Variants in FCSK observed in about 807,000 individuals in gnomAD.
The protein encoded by FCSK is L-fucose kinase.
FCSK carries 123 observed loss-of-function variants against 122.5 expected under a neutral mutation model. The ratio of observed to expected loss-of-function variants is 1.00; its 90% CI spans 0.87 to 1.17. FCSK has a LOEUF of 1.17. FCSK is among the 50% of genes most tolerant of loss of function. The probability of loss-of-function intolerance (pLI) is 0.00; values close to 1 mark genes in which losing one functional copy is unlikely to be tolerated. For synonymous variants in FCSK, 620 were observed against 625.5 expected, an observed-to-expected ratio of 0.99 and a Z score of 0.13; for missense variants, 1,366 against 1,450.4, an observed-to-expected ratio of 0.94 and a Z score of 0.95.
chr16:70,469,305 G>C lies in FCSK; in HGVS notation c.937G>C (p.Asp313His). 6.2e-7 allele frequency: 1 copy of C among 1,604,460 alleles called. No individual in the cohort carries two copies. Among genetic ancestry groups the C allele is most frequent in the Non-Finnish European group, 8.5e-7 (1 of 1,176,798 alleles). ...ARAQLWRELRDQPLTMAYVSS... is the reference protein window; with the variant it reads ...ARAQLWRELRHQPLTMAYVSS... ...GGCCCAGCTGTGGAGGGAGCTTCGC[G>C]ATCAGCCCCTTACCATGGGTGGGTA... The change falls in exon 10 of 24, where the codon GAT becomes CAT. Residue 313 changes from aspartate to histidine, a missense_variant. Coordinates refer to ENST00000288078, the MANE Select transcript of FCSK (RefSeq NM_145059.3).
At position 70,473,482 on chromosome 16, in the gene FCSK, T is replaced by C. The variant is rs2151724345; in HGVS notation, c.1777+129T>C. The C allele has an allele frequency of 8.6e-7, 1 of 1,169,210 alleles. No individual in the cohort carries two copies. The highest frequency in any genetic ancestry group is 1.2e-6 in the Non-Finnish European group (1 of 866,266). The allele number at this position is 1,169,210 out of a possible 1,614,324, so 72.4% of individuals were successfully genotyped here. A position where few individuals can be genotyped will look rare whatever the true frequency, so the allele number is the denominator to read the frequency against. On this transcript the variant is annotated intron_variant, in intron 15 of 23. Coordinates refer to ENST00000288078, the MANE Select transcript of FCSK (RefSeq NM_145059.3). This position sits in a 1 kb window ranked among gnomAD's most constrained non-coding sequence, Gnocchi z 4.9. ...AAGCAGGGAAGGGGCATGCTGGAGT[T>C]TACTTTTAGGATTCTGGAAGGCCTC...
rs759753124 is a variant in FCSK at position 70,479,455 on chromosome 16, A to C, written c.3153+52A>C. On this transcript the variant is annotated intron_variant, in intron 23 of 23. Coordinates refer to ENST00000288078, the MANE Select transcript of FCSK (RefSeq NM_145059.3). The stretch of plus-strand genomic sequence containing the variant: ...GAGACCTCTGGGGGCAAGAGACCTC[A>C]CTGTGGCCCACCAGTTAACCAGGGG... The C allele has an allele frequency of 7.9e-6, 12 of 1,528,016 alleles. No individual in the cohort carries two copies. The South Asian group carries it at 1.3e-4, about 16-fold the overall frequency. 94.7% of individuals were successfully genotyped at this position (1,528,016 alleles called of 1,614,324 possible).
Position 70,470,429 on chromosome 16 carries a change from G to C in FCSK, c.1068+3G>C. On this transcript the variant is annotated splice_donor_region_variant and intron_variant, in intron 11 of 23. Coordinates refer to ENST00000288078, the MANE Select transcript of FCSK (RefSeq NM_145059.3). ...AGATTGTGCACTCCCAGGTGGAGGT[G>C]AGACCTCCCTGCCCCTCCGGTGCCT... 1.3e-6 allele frequency: 2 copies of C among 1,570,348 alleles called. No homozygotes were observed. The highest frequency in any genetic ancestry group is 1.8e-6 in the Non-Finnish European group (2 of 1,141,638).
chr16:70,468,521 GGGA>G (rs1411394042), intron 8 of FCSK, among the ~76,000 whole-genome samples: 1 of 152,206 alleles, frequency 6.6e-6, no homozygotes, highest in East Asian at 1.9e-4. Flanking sequence ...GAGTGCGGTT[GGGA>G]GGAGGCCTAG....
chr16:70,469,473 C>T, intron 10 of FCSK, 150 bp downstream of exon 10: 1 of 631,754 alleles, frequency 1.6e-6, no homozygotes, highest in East Asian at 2.9e-5. Flanking sequence ...CACTGAGCTA[C>T]CTCCTTCCCC....
Position 70,471,349 on chromosome 16 carries a change from G to A in FCSK, c.1338G>A (p.Trp446Ter). 6.3e-7 allele frequency: 1 copy of A among 1,576,724 alleles called. No homozygotes were observed. Among genetic ancestry groups the A allele is most frequent in the Non-Finnish European group, 8.6e-7 (1 of 1,158,110 alleles). Reference sequence around the variant, plus strand: ...CCCTCGTTGGCCGTCTGGACAGCTGGGAGGTAGGCAGTCACCCTGCATTCC... The same window carrying A: ...CCCTCGTTGGCCGTCTGGACAGCTGAGAGGTAGGCAGTCACCCTGCATTCC... ...AFTLVGRLDSWERQGAGTYLN... is the reference protein window; with the variant it reads ...AFTLVGRLDS The change falls in exon 13 of 24, where the codon TGG (tryptophan) becomes TGA (stop). Residue 446 changes from tryptophan (W) to a stop codon, truncating the protein, a stop_gained. Transcript: ENST00000288078. LOFTEE classifies it high-confidence loss of function.
At position 70,467,932 on chromosome 16, in the gene FCSK, A is replaced by G; in HGVS notation, c.629A>G (p.Gln210Arg). The change falls in exon 8 of 24, where the codon CAG becomes CGG. Residue 210 changes from glutamine (Q) to arginine (R), a missense_variant. Transcript: ENST00000288078. ...IYYQGTEAEI[Q>R]RCVRPDGRVP... Reference sequence around the variant, plus strand: ...TACCAGGGCACTGAGGCAGAGATTCAGCGGTGTGTCAGGCCTGATGGGCGG... The same window carrying G: ...TACCAGGGCACTGAGGCAGAGATTCGGCGGTGTGTCAGGCCTGATGGGCGG... 6.2e-7 allele frequency: 1 copy of G among 1,614,124 alleles called. No homozygotes were observed. Among genetic ancestry groups the G allele is most frequent in the Non-Finnish European group, 8.5e-7 (1 of 1,180,004 alleles).
intron 3 of FCSK, among the ~76,000 whole-genome samples, chr16:70,464,408 T>C (rs2048355020): frequency 6.6e-6 from 1 of 152,034 alleles, no homozygotes; most frequent in Admixed American, 6.6e-5. Context: ...TCCCAGCACT[T>C]TGGGAGGCCG....
chr16:70,479,558 A>G (rs1256341667), intron 23 of FCSK, 21 bp from the exon 24 acceptor site: 1 of 1,608,064 alleles, frequency 6.2e-7, no homozygotes, highest in Admixed American at 1.7e-5. Context: ...GAGCCTTCTA[A>G]ATACTTCCTG....
In FCSK at chr16:70,479,566, C is replaced by A; in HGVS notation, c.3154-13C>A. On this transcript the variant is annotated splice_polypyrimidine_tract_variant and intron_variant, in intron 23 of 23. Coordinates refer to ENST00000288078, the MANE Select transcript of FCSK (RefSeq NM_145059.3). ...TTGTCCAGAGCCTTCTAAATACTTCCTGTCTTGTCCAGGGCCTTGGGAATT... is the reference window on the plus strand; with the variant it reads ...TTGTCCAGAGCCTTCTAAATACTTCATGTCTTGTCCAGGGCCTTGGGAATT... The A allele has an allele frequency of 6.2e-7, 1 of 1,610,610 alleles. No individual in the cohort carries two copies. The highest frequency in any genetic ancestry group is 1.1e-5 in the South Asian group (1 of 90,746).
intron 16 of FCSK, 66 bp downstream of exon 16, chr16:70,474,405 G>C: frequency 2.5e-6 from 4 of 1,571,148 alleles, no homozygotes; most frequent in Non-Finnish European, 3.5e-6. Flanking sequence ...GGACCCTGAT[G>C]GAGGAAACCC....
Position 70,478,655 on chromosome 16 carries a change from G to T in FCSK, c.2929+5G>T. 6.2e-7 allele frequency: 1 copy of T among 1,612,606 alleles called. No homozygotes were observed. On this transcript the variant is annotated splice_donor_5th_base_variant and intron_variant, in intron 22 of 23. Coordinates refer to ENST00000288078, the MANE Select transcript of FCSK (RefSeq NM_145059.3). The stretch of plus-strand genomic sequence containing the variant: ...GTGCTGAAGGCTTCCGCCAAGGTGA[G>T]GGGCTTCCTCTGGGGGGGTCAGGGC...
intron 1 of FCSK, among the ~76,000 whole-genome samples, chr16:70,455,787 G>A (rs2048076382): frequency 1.3e-5 from 2 of 152,090 alleles, no homozygotes; most frequent in Non-Finnish European, 2.9e-5. Flanking sequence ...AGCTACTTGG[G>A]AGGCTGAGGC....
chr16:70,460,104 CTTTT>C (rs564125150), intron 1 of FCSK, among the ~76,000 whole-genome samples: 13,045 of 126,226 alleles, frequency 0.1, 2,136 homozygotes, highest in African/African-American at 0.39. Flanking sequence ...CGTCTAGCCT[CTTTT>C]TTTTTTTTTT....
At position 70,473,378 on chromosome 16, in the gene FCSK, G is replaced by T; in HGVS notation, c.1777+25G>T. On this transcript the variant is annotated intron_variant, in intron 15 of 23. Transcript: ENST00000288078. The surrounding 1 kb of genome is among the most constrained non-coding windows in gnomAD (Gnocchi z 4.9). ...GGTGAGTGTGCAGGCTGGTAGTGCT[G>T]CAGAATCAGGCCAGGGGCACCTGCC... The T allele has an allele frequency of 6.8e-7, 1 of 1,467,726 alleles. No homozygotes were observed. The highest frequency in any genetic ancestry group is 2.5e-5 in the East Asian group (1 of 39,600). The allele number at this position is 1,467,726 out of a possible 1,614,324, so 90.9% of individuals were successfully genotyped here. A position where few individuals can be genotyped will look rare whatever the true frequency, so the allele number is the denominator to read the frequency against.
intron 3 of FCSK, 155 bp from the exon 4 acceptor site, chr16:70,464,971 C>T: frequency 6.6e-7 from 1 of 1,523,010 alleles, no homozygotes. Context: ...ACCAGGGCTG[C>T]CCCTTGTCTG....
chr16:70,470,434 C>G lies in FCSK; in HGVS notation c.1068+8C>G, dbSNP rs527463757. 8.4e-6 allele frequency: 13 copies of G among 1,539,162 alleles called. No individual in the cohort carries two copies. In the African/African-American group the frequency reaches 1.2e-4, roughly 15 times the overall value. ...GTGCACTCCCAGGTGGAGGTGAGACCTCCCTGCCCCTCCGGTGCCTGCTGG... is the reference window on the plus strand; with the variant it reads ...GTGCACTCCCAGGTGGAGGTGAGACGTCCCTGCCCCTCCGGTGCCTGCTGG... On this transcript the variant is annotated splice_region_variant and intron_variant, in intron 11 of 23. Transcript: ENST00000288078.
intron 13 of FCSK, 42 bp from the exon 14 acceptor site, chr16:70,472,499 C>T (rs549511358): frequency 2.5e-5 from 38 of 1,543,912 alleles, no homozygotes; most frequent in Non-Finnish European, 3.4e-5. Flanking sequence ...TAACCCTTTC[C>T]TGTGGCCCCT....
intron 11 of FCSK, 38 bp downstream of exon 11, chr16:70,470,464 C>T (rs777278112): frequency 1.5e-6 from 2 of 1,331,794 alleles, no homozygotes; most frequent in Non-Finnish European, 2.1e-6. Flanking sequence ...TGCTGGTTGT[C>T]TGGGGTCAGG....
Sources: gnomAD v4.1 joint callset for allele counts (sites outside exome capture counted in the v4.1 genomes callset) on GRCh38, gnomAD v4.1.1 for gene constraint, Gnocchi (gnomAD v3.1) non-coding constraint, MANE v1.5 for transcripts, NCBI Gene and HGNC (gene_info 2026-07-23, HGNC 2026-07-21) for gene names.